Variants in STRAP observed in about 807,000 individuals in gnomAD.
STRAP encodes serine-threonine kinase receptor-associated protein.
In STRAP, 16 loss-of-function variants were observed where a neutral mutation model predicts 47.0. That is an observed-to-expected ratio of 0.34 (90% CI 0.23 to 0.52). The LOEUF is 0.52. Ranked by LOEUF, STRAP falls within the 20% of genes least tolerant of loss-of-function variation. The probability of loss-of-function intolerance (pLI) is 0.96; values close to 1 mark genes in which losing one functional copy is unlikely to be tolerated. For synonymous variants in STRAP, 130 were observed against 142.7 expected, an observed-to-expected ratio of 0.91 and a Z score of 0.63; for missense variants, 293 against 420.0, an observed-to-expected ratio of 0.70 and a Z score of 2.64.
At position 15,882,644 on chromosome 12, in the gene STRAP, A is replaced by G. The variant is rs569875028; in HGVS notation, c.-64A>G. On this transcript the variant is annotated 5_prime_UTR_variant, in exon 1 of 10. Coordinates refer to ENST00000419869, the MANE Select transcript of STRAP (RefSeq NM_007178.4). ...CTGGAGCAGCCCGAGGCACTGCAGC[A>G]GAAGAGAGAAAAGACAACGACGACC... 7 of 1,401,238 alleles carry G rather than the reference A, an allele frequency of 5.0e-6. No individual in the cohort carries two copies. In the East Asian group the frequency reaches 7.2e-5, roughly 14 times the overall value. The allele number at this position is 1,401,238 out of a possible 1,614,324, so 86.8% of individuals were successfully genotyped here.
In STRAP at chr12:15,883,144, G is replaced by C. The variant is rs558056608; in HGVS notation, c.112+325G>C. The C allele has an allele frequency of 2.0e-6, 3 of 1,535,578 alleles. No homozygotes were observed. In the East Asian group the frequency reaches 7.3e-5, roughly 38 times the overall value. ...ACGGTAAATAGCTTTCAAGGATTTG[G>C]GGAAAGGAGAAATTAGGCCAGGCCG... On this transcript the variant is annotated intron_variant, in intron 1 of 9. Coordinates refer to ENST00000419869, the MANE Select transcript of STRAP (RefSeq NM_007178.4).
At chr12:15,889,463 T>G (rs1159894289) in intron 2 of STRAP, among the ~76,000 whole-genome samples, 1 of 152,204 alleles carries the variant, frequency 6.6e-6, no homozygotes, top group Admixed American at 6.5e-5. Flanking sequence ...TTCATTCCCT[T>G]GTAACATTTT....
chr12:15,885,420 C>T (rs1317468916), intron 2 of STRAP, among the ~76,000 whole-genome samples: 1 of 151,212 alleles, frequency 6.6e-6, no homozygotes, highest in East Asian at 1.9e-4. Flanking sequence ...AACTCCTGAC[C>T]TCAAGTGATC....
intron 9 of STRAP, 131 bp from the exon 10 acceptor site, chr12:15,902,786 C>A: frequency 5.2e-6 from 6 of 1,154,616 alleles, no homozygotes; most frequent in Non-Finnish European, 6.9e-6. Context: ...TTGCTCTCTT[C>A]TTTCCCTTAC....
At chr12:15,883,241 A>G in intron 1 of STRAP, 1 of 1,152,306 alleles carries the variant, frequency 8.7e-7, no homozygotes, top group African/African-American at 1.5e-5. Context: ...TCATTTTTCA[A>G]ATGGGAAACT....
In STRAP at chr12:15,885,244, G is replaced by A. The variant is rs1180432205; in HGVS notation, c.248+1568G>A. Among the ~76,000 whole-genome samples, 4 of 147,374 alleles carry A rather than the reference G, an allele frequency of 2.7e-5. No individual in the cohort carries two copies. In the South Asian group the frequency reaches 6.4e-4, roughly 24 times the overall value. ...TGCTATGTCCCCAAGGCTGGAGTGC[G>A]GTGGCACAGTCTCGGCTCACTGCAA... On this transcript the variant is annotated intron_variant, in intron 2 of 9. Coordinates refer to ENST00000419869, the MANE Select transcript of STRAP (RefSeq NM_007178.4).
Position 15,887,530 on chromosome 12 carries a change from G to C in STRAP, c.249-2398G>C, listed in dbSNP as rs76344357. On this transcript the variant is annotated intron_variant, in intron 2 of 9. Transcript: ENST00000419869. This position sits in a 1 kb window ranked among gnomAD's most constrained non-coding sequence, Gnocchi z 5.5. Reference sequence around the variant, plus strand: ...TTAGATCCATTTTAGGGCTCTTACTGTGAATAATGGAAATCTGCCAGAGTT... The same window carrying C: ...TTAGATCCATTTTAGGGCTCTTACTCTGAATAATGGAAATCTGCCAGAGTT... 0.026 allele frequency among the ~76,000 whole-genome samples: 3,909 copies of C among 152,288 alleles called. 74 individuals are homozygous for C. Among genetic ancestry groups the C allele is most frequent in the Middle Eastern group, 0.061 (18 of 294 alleles).
At chr12:15,884,211 T>C (rs1947949114) in intron 2 of STRAP, among the ~76,000 whole-genome samples, 1 of 152,252 alleles carries the variant, frequency 6.6e-6, no homozygotes, top group Non-Finnish European at 1.5e-5. Flanking sequence ...TCATCTTTTT[T>C]GATTCTGCCA....
chr12:15,884,224 G>C (rs369550745), intron 2 of STRAP, among the ~76,000 whole-genome samples: 1 of 152,084 alleles, frequency 6.6e-6, no homozygotes, highest in African/African-American at 2.4e-5. Flanking sequence ...TTCTGCCAGC[G>C]GGATGTCTCC....
At position 15,882,459 on chromosome 12, in the gene STRAP, T is replaced by G; in HGVS notation, c.-249T>G. 1 of 523,852 alleles carries G rather than the reference T, an allele frequency of 1.9e-6. No homozygotes were observed. The highest frequency in any genetic ancestry group is 3.4e-6 in the Non-Finnish European group (1 of 292,000). The allele number at this position is 523,852 out of a possible 1,614,324, so 32.5% of individuals were successfully genotyped here. A position where few individuals can be genotyped will look rare whatever the true frequency, so the allele number is the denominator to read the frequency against. On this transcript the variant is annotated 5_prime_UTR_variant, in exon 1 of 10. Coordinates refer to ENST00000419869, the MANE Select transcript of STRAP (RefSeq NM_007178.4). ...TGGCCCGGTTCTCCGCTTCTCCCCA[T>G]CCCCTACTTTCCTCCCTCCCTCCCT... is the stretch of plus-strand genomic sequence containing the variant.
At chr12:15,885,956 A>G (rs891312370) in intron 2 of STRAP, among the ~76,000 whole-genome samples, 1 of 152,248 alleles carries the variant, frequency 6.6e-6, no homozygotes, top group African/African-American at 2.4e-5. Context: ...CACTTGATCA[A>G]AATCACATAT....
intron 9 of STRAP, among the ~76,000 whole-genome samples, chr12:15,902,063 G>A (rs555795083): frequency 4.0e-5 from 6 of 151,878 alleles, no homozygotes; most frequent in Admixed American, 2.6e-4. Context: ...TGCAGCCTCC[G>A]CCTCTGGTTT....
rs370796543 is a variant in STRAP, at chr12:15,900,969, A to G, written c.948A>G (p.Ala316=). The part of the protein sequence containing the change: ...VLPEEDSGEL[A]KPKIGFPETT... ...CAGAAGAAGATAGTGGTGAGCTGGC[A>G]AAGCCAAAGATTGGTTTTCCAGAGA... Residue 316 remains alanine (A), a synonymous_variant, in exon 9 of 10, where the codon GCA becomes GCG. Transcript: ENST00000419869. 1.9e-6 allele frequency: 3 copies of G among 1,597,010 alleles called. No homozygotes were observed. The African/African-American group carries it at 4.0e-5, about 21-fold the overall frequency.
intron 8 of STRAP, 156 bp from the exon 9 acceptor site, chr12:15,900,790 AT>A (rs58367055): frequency 0.035 from 17,531 of 499,104 alleles, 2,422 homozygotes; most frequent in African/African-American, 0.3. Context: ...AAGACATACT[AT>A]TTTTAGAATC....
Position 15,894,007 on chromosome 12 carries a change from C to T in STRAP, c.404-40C>T. The stretch of plus-strand genomic sequence containing the variant: ...TCCGATATTGTTCAGTTTAAAAAAT[C>T]ATATATTAACAAATGTACTTTAAAT... On this transcript the variant is annotated intron_variant, in intron 4 of 9. Transcript: ENST00000419869. The surrounding 1 kb of genome is among the most constrained non-coding windows in gnomAD (Gnocchi z 4.9). 3 of 1,413,504 alleles carry T rather than the reference C, an allele frequency of 2.1e-6. No individual in the cohort carries two copies. The highest frequency in any genetic ancestry group is 2.0e-6 in the Non-Finnish European group (2 of 1,009,286). The allele number at this position is 1,413,504 out of a possible 1,614,324, so 87.6% of individuals were successfully genotyped here.
rs962738114 is a variant in STRAP, at chr12:15,903,380, A to G, written c.*402A>G. On this transcript the variant is annotated 3_prime_UTR_variant, in exon 10 of 10. Transcript: ENST00000419869. ...GCTTCAGTTGTAAAGAAGAGGGAAT[A>G]CATGATAAAGTAACTGGTTTGATTT... The G allele has an allele frequency of 6.5e-6, 1 of 154,410 alleles. No homozygotes were observed. Among genetic ancestry groups the G allele is most frequent in the African/African-American group, 2.4e-5 (1 of 41,560 alleles). 9.6% of individuals were successfully genotyped at this position (154,410 alleles called of 1,614,324 possible).
rs71042274 is a variant in STRAP, at chr12:15,902,885, C to CTTTTT, written c.992-13_992-9dup. 1.5e-3 allele frequency: 1,688 copies of CTTTTT among 1,101,900 alleles called. 2 individuals are homozygous for CTTTTT. Among genetic ancestry groups the CTTTTT allele is most frequent in the African/African-American group, 4.5e-3 (205 of 45,698 alleles). 68.3% of individuals were successfully genotyped at this position (1,101,900 alleles called of 1,614,324 possible). On this transcript the variant is annotated intron_variant, in intron 9 of 9. Transcript: ENST00000419869. The stretch of plus-strand genomic sequence containing the variant: ...TCTTTCATTAAGTTGACTAATGTGA[C>CTTTTT]TTTTTTTTTTTTTTTTTTTTTTTAC...
chr12:15,883,254 G>T, intron 1 of STRAP: 1 of 1,075,048 alleles, frequency 9.3e-7, no homozygotes, highest in Non-Finnish European at 1.4e-6. Flanking sequence ...GGGAAACTGA[G>T]ATTCAGGCTA....
chr12:15,891,894 C>T (rs573832543), intron 4 of STRAP, among the ~76,000 whole-genome samples: 14 of 151,286 alleles, frequency 9.3e-5, no homozygotes, highest in African/African-American at 2.7e-4. Flanking sequence ...TGCAGTGAGC[C>T]GAGATTGCAT....
Sources: gnomAD v4.1 joint callset for allele counts (sites outside exome capture counted in the v4.1 genomes callset) on GRCh38, gnomAD v4.1.1 for gene constraint, Gnocchi (gnomAD v3.1) non-coding constraint, MANE v1.5 for transcripts, NCBI Gene and HGNC (gene_info 2026-07-23, HGNC 2026-07-21) for gene names.